The following ABR variants were observed in gnomAD, a reference collection of about 807,000 sequenced individuals.
ABR encodes the protein active breakpoint cluster region-related protein.
ABR carries 35 observed loss-of-function variants against 107.2 expected under a neutral mutation model. The ratio of observed to expected loss-of-function variants is 0.33; its 90% CI spans 0.25 to 0.43. The LOEUF (loss-of-function observed/expected upper bound fraction) is 0.43, where lower values mean the gene tolerates loss of function less well. Ranked by LOEUF, ABR falls within the 20% of genes least tolerant of loss-of-function variation. The pLI, the probability that ABR is intolerant of heterozygous loss-of-function variation, is 1.00. For missense variants in ABR, 815 were observed against 1,115.2 expected (o/e 0.73, Z 3.83); for synonymous variants, 498 against 462.0 (o/e 1.08, Z -1.00).
rs149368193 is a variant in ABR at position 1,100,096 on chromosome 17, A to G, written c.345+541T>C. The stretch of plus-strand genomic sequence containing the variant: ...AGCCGAGATCGCACCACTGCACTCC[A>G]GCCTGGGTGACAAGAGCAAAGCTCC... On this transcript the variant is annotated intron_variant, in intron 3 of 22. Transcript: ENST00000302538. Among the ~76,000 whole-genome samples the G allele has an allele frequency of 5.6e-3, 832 of 149,326 alleles. 5 individuals are homozygous for G. The highest frequency in any genetic ancestry group is 0.019 in the African/African-American group (765 of 40,524).
intron 1 of ABR, among the ~76,000 whole-genome samples, chr17:1,197,932 G>T (rs963638065): frequency 2.0e-5 from 3 of 151,864 alleles, no homozygotes; most frequent in Non-Finnish European, 4.4e-5. Context: ...CTGACTGTCA[G>T]ATCAAAGCCA....
intron 1 of ABR, among the ~76,000 whole-genome samples, chr17:1,201,305 C>A (rs1188888685): frequency 6.6e-6 from 1 of 152,174 alleles, no homozygotes; most frequent in African/African-American, 2.4e-5. Flanking sequence ...TATTGAACCT[C>A]TCTGAGCTTC....
intron 16 of ABR, among the ~76,000 whole-genome samples, chr17:1,043,204 A>G (rs1290180538): frequency 3.9e-5 from 6 of 152,138 alleles, no homozygotes; most frequent in Non-Finnish European, 5.9e-5. Context: ...GTCTCACTCT[A>G]TTGCCCAGGC....
At chr17:1,043,860 G>A (rs1412341760) in intron 16 of ABR, among the ~76,000 whole-genome samples, 1 of 152,206 alleles carries the variant, frequency 6.6e-6, no homozygotes, top group African/African-American at 2.4e-5. Flanking sequence ...TGTGGGGTGG[G>A]GGCTGTCCCC....
intron 1 of ABR, among the ~76,000 whole-genome samples, chr17:1,168,328 G>A (rs1027151928): frequency 3.9e-5 from 6 of 152,132 alleles, no homozygotes; most frequent in South Asian, 4.1e-4. Context: ...AGTGCTAAGC[G>A]ATGTGAGCCG....
upstream of ABR, among the ~76,000 whole-genome samples, chr17:1,182,515 G>A (rs192166698): frequency 1.7e-3 from 262 of 152,210 alleles, 1 homozygote; most frequent in African/African-American, 6.1e-3. Flanking sequence ...CTACAGGCAC[G>A]TGCCACCACG....
At chr17:1,217,775 A>G (rs1598145281) in intron 1 of ABR, among the ~76,000 whole-genome samples, 1 of 151,998 alleles carries the variant, frequency 6.6e-6, no homozygotes, top group Non-Finnish European at 1.5e-5. Flanking sequence ...GTTCACTGCA[A>G]CCTCCACCTC....
At chr17:1,079,268 C>G (rs960563877) in intron 6 of ABR, 62 bp downstream of exon 6, 98 of 1,579,918 alleles carry the variant, frequency 6.2e-5, no homozygotes, top group Non-Finnish European at 7.9e-5. Context: ...GTTCACGCAG[C>G]CTGTTGCCTG....
intron 16 of ABR, among the ~76,000 whole-genome samples, chr17:1,024,007 A>T (rs2071946885): frequency 1.5e-5 from 2 of 135,716 alleles, no homozygotes; most frequent in Admixed American, 1.6e-4. Flanking sequence ...CCTGGGCGAC[A>T]GAGCGAGACT....
At chr17:1,041,764 A>G (rs1458692253) in intron 16 of ABR, among the ~76,000 whole-genome samples, 1 of 152,164 alleles carries the variant, frequency 6.6e-6, no homozygotes, top group South Asian at 2.1e-4. Flanking sequence ...AAATAAAAGA[A>G]GAAACTGAGA....
chr17:1,011,871 C>T lies in ABR; in HGVS notation c.2076G>A (p.Gln692=), dbSNP rs1336637903. ...YRISGVATDI[Q]ALKAVFDANN... ...TGGCATCGAAGACGGCCTTGAGCGC[C>T]TGGATGTCCGTGGCCACGCCCGATA... Residue 692 remains glutamine, a synonymous_variant, in exon 19 of 23, where the codon CAG becomes CAA. Coordinates refer to ENST00000302538, the MANE Select transcript of ABR (RefSeq NM_021962.5). The surrounding 1 kb of genome is among the most constrained non-coding windows in gnomAD (Gnocchi z 4.8). The T allele has an allele frequency of 1.3e-6, 2 of 1,595,092 alleles. No individual in the cohort carries two copies. Among genetic ancestry groups the T allele is most frequent in the Non-Finnish European group, 1.7e-6 (2 of 1,166,304 alleles).
rs144188339 is a variant in ABR, at chr17:1,051,056, C to T, written c.1562-422G>A. On this transcript the variant is annotated intron_variant, in intron 14 of 22. Transcript: ENST00000302538. This position sits in a 1 kb window ranked among gnomAD's most constrained non-coding sequence, Gnocchi z 4.3. ...TGACCGCCCTGGAGCCACCTCTCCC[C>T]GTAACATGGGTGCCCAGGCCTCAAC... Among the ~76,000 whole-genome samples the T allele has an allele frequency of 4.7e-3, 713 of 152,254 alleles. 7 individuals are homozygous for T. Among genetic ancestry groups the T allele is most frequent in the African/African-American group, 0.016 (671 of 41,532 alleles).
chr17:1,185,670 A>ATAAAATAAAAT (rs1567873692), intron 1 of ABR, among the ~76,000 whole-genome samples: 144 of 149,696 alleles, frequency 9.6e-4, no homozygotes, highest in Middle Eastern at 6.8e-3. Context: ...AAAAAAAAAA[A>ATAAAATAAAAT]AAAAAAAAAA....
At chr17:1,044,806 C>T (rs116251057) in intron 16 of ABR, among the ~76,000 whole-genome samples, 424 of 152,280 alleles carry the variant, frequency 2.8e-3, no homozygotes, top group African/African-American at 9.8e-3. Context: ...CCCTGCCAGG[C>T]GGGTCTGTCC....
Position 1,112,613 on chromosome 17 carries a change from G to A in ABR, c.247-11878C>T, listed in dbSNP as rs5029769. On this transcript the variant is annotated intron_variant, in intron 2 of 22. Coordinates refer to ENST00000302538, the MANE Select transcript of ABR (RefSeq NM_021962.5). ...CTCTGTCTTGAGGGAGGGAGGGAGG[G>A]AGGAAGGAAGGAAGGAAGAGAGGAA... Among the ~76,000 whole-genome samples the A allele has an allele frequency of 7.3e-4, 62 of 84,538 alleles. No individual in the cohort carries two copies. In the South Asian group the frequency reaches 0.021, roughly 28 times the overall value. The allele number at this position is 84,538 out of a possible 152,430, so 55.5% of individuals were successfully genotyped here.
chr17:1,057,606 G>C lies in ABR; in HGVS notation c.1381+364C>G, dbSNP rs113806403. On this transcript the variant is annotated intron_variant, in intron 12 of 22. Coordinates refer to ENST00000302538, the MANE Select transcript of ABR (RefSeq NM_021962.5). ...TTGCCCAGGCTGATCTCAAACTCCT[G>C]ACTGGGATTACAGGCGTAAGCCACC... is the stretch of plus-strand genomic sequence containing the variant. Among the ~76,000 whole-genome samples, 1,425 of 150,176 alleles carry C rather than the reference G, an allele frequency of 9.5e-3. 21 individuals carry two copies. Among genetic ancestry groups the C allele is most frequent in the African/African-American group, 0.033 (1,341 of 40,750 alleles).
chr17:1,146,677 C>CTGCCACTACTGCCACCAT (rs2040547293), intron 1 of ABR, among the ~76,000 whole-genome samples: 1 of 149,112 alleles, frequency 6.7e-6, no homozygotes, highest in Non-Finnish European at 1.5e-5. Flanking sequence ...CAGGCCACCA[C>CTGCCACTACTGCCACCAT]TGCCACACGA....
chr17:1,083,540 G>T lies in ABR; in HGVS notation c.619C>A (p.Gln207Lys). The change falls in exon 5 of 23, where the codon CAG becomes AAG. Residue 207 changes from glutamine (Q) to lysine (K), a missense_variant. Physicochemically the swap from Gln to Lys is moderately conservative, Grantham distance 53 (BLOSUM62 1). Transcript: ENST00000302538. ...TAEKCSQSNN[Q>K]FQKISEELKV... ...CCTACCTCTGAGATCTTCTGGAACTGGTTGTTGGACTGGCTGCACTTCTCA... is the reference window on the plus strand; with the variant it reads ...CCTACCTCTGAGATCTTCTGGAACTTGTTGTTGGACTGGCTGCACTTCTCA... The T allele has an allele frequency of 6.2e-7, 1 of 1,610,294 alleles. No individual in the cohort carries two copies. The highest frequency in any genetic ancestry group is 8.5e-7 in the Non-Finnish European group (1 of 1,177,250).
intron 20 of ABR, 47 bp from the exon 21 acceptor site, chr17:1,009,831 C>T (rs779211451): frequency 9.8e-6 from 15 of 1,537,084 alleles, no homozygotes; most frequent in African/African-American, 4.1e-5. Flanking sequence ...TGGGGCTCCC[C>T]GCCAGGGCCC....
Sources: allele counts gnomAD v4.1 joint callset (sites outside exome capture counted in the v4.1 genomes callset), GRCh38; gene constraint gnomAD v4.1.1; non-coding constraint Gnocchi (gnomAD v3.1); transcripts MANE v1.5; gene names NCBI Gene and HGNC (gene_info 2026-07-23, HGNC 2026-07-21).